ANKS1B: variants seen among roughly 807,000 people sequenced by gnomAD.
ANKS1B encodes the protein ankyrin repeat and sterile alpha motif domain-containing protein 1B.
ANKS1B carries 36 observed loss-of-function variants against 148.3 expected under a neutral mutation model. The ratio of observed to expected loss-of-function variants is 0.24; its 90% confidence interval spans 0.19 to 0.32. The LOEUF is 0.32. Among genes scored for constraint, ANKS1B ranks in the 10% least tolerant of loss-of-function variants. ANKS1B has a pLI of 1.00. For synonymous variants in ANKS1B, 542 were observed against 560.8 expected, an observed-to-expected ratio of 0.97 and a Z score of 0.47; for missense variants, 1,157 against 1,542.6, an observed-to-expected ratio of 0.75 and a Z score of 4.19.
chr12:99,731,363 C>T (rs1012305004), intron 8 of ANKS1B, among the ~76,000 whole-genome samples: 1 of 152,028 alleles, frequency 6.6e-6, no homozygotes, highest in East Asian at 1.9e-4. Flanking sequence ...AAATGATCCA[C>T]TCGCCTCTGC....
At chr12:98,907,487 T>G (rs1437078236) in intron 17 of ANKS1B, among the ~76,000 whole-genome samples, 1 of 152,164 alleles carries the variant, frequency 6.6e-6, no homozygotes, top group Non-Finnish European at 1.5e-5. Context: ...CAACCACTGC[T>G]GCAATCAGGT....
chr12:98,920,966 A>G (rs148517469), intron 17 of ANKS1B, among the ~76,000 whole-genome samples: 34 of 152,370 alleles, frequency 2.2e-4, no homozygotes, highest in African/African-American at 8.2e-4. Context: ...CAATTTTCAA[A>G]CAAGATTCAA....
At chr12:99,324,730 C>A (rs2085977411) in intron 12 of ANKS1B, among the ~76,000 whole-genome samples, 1 of 152,084 alleles carries the variant, frequency 6.6e-6, no homozygotes, top group Non-Finnish European at 1.5e-5. Context: ...AGAGGCTGTA[C>A]AAAGTTACCT....
At chr12:99,310,201 C>G (rs1235969055) in intron 12 of ANKS1B, among the ~76,000 whole-genome samples, 1 of 151,992 alleles carries the variant, frequency 6.6e-6, no homozygotes, top group East Asian at 1.9e-4. Context: ...AACTCATGCT[C>G]AAAAATAGGA....
At chr12:98,834,794 T>C (rs1235203848) in intron 17 of ANKS1B, among the ~76,000 whole-genome samples, 1 of 152,180 alleles carries the variant, frequency 6.6e-6, no homozygotes. Flanking sequence ...TCCATAGAAA[T>C]GCCCTTATAT....
At chr12:99,792,709 T>C (rs541531174) in intron 4 of ANKS1B, among the ~76,000 whole-genome samples, 1 of 151,842 alleles carries the variant, frequency 6.6e-6, no homozygotes, top group Non-Finnish European at 1.5e-5. Flanking sequence ...TGTAATAAAA[T>C]CCATATATGA....
intron 25 of ANKS1B, among the ~76,000 whole-genome samples, chr12:98,758,531 G>A (rs944106501): frequency 5.9e-5 from 9 of 152,166 alleles, no homozygotes; most frequent in East Asian, 1.9e-4. Flanking sequence ...CCTCCAGGCC[G>A]GGGGTGTACT....
intron 17 of ANKS1B, among the ~76,000 whole-genome samples, chr12:98,890,418 A>T (rs370298286): frequency 4.6e-5 from 7 of 152,294 alleles, no homozygotes; most frequent in Admixed American, 2.0e-4. Flanking sequence ...GACAGAAAAA[A>T]ATATATATAT....
chr12:98,945,489 T>C (rs1322654861), intron 17 of ANKS1B, among the ~76,000 whole-genome samples: 1 of 104,906 alleles, frequency 9.5e-6, no homozygotes, highest in African/African-American at 5.0e-5. Flanking sequence ...AGCCAGACCC[T>C]GTCTCAACAA....
intron 10 of ANKS1B, among the ~76,000 whole-genome samples, chr12:99,463,159 G>C (rs1017050717): frequency 6.6e-6 from 1 of 152,194 alleles, no homozygotes; most frequent in African/African-American, 2.4e-5. Context: ...CTTCACAAAA[G>C]AAAAGTACAA....
intron 17 of ANKS1B, among the ~76,000 whole-genome samples, chr12:99,051,930 G>A (rs2099966349): frequency 6.6e-6 from 1 of 151,736 alleles, no homozygotes; most frequent in Non-Finnish European, 1.5e-5. Context: ...GGGACTTTTG[G>A]CGAGAAAGTG....
intron 21 of ANKS1B, 84 bp downstream of exon 21, chr12:98,800,913 A>G (rs2098999850): frequency 6.9e-7 from 1 of 1,452,186 alleles, no homozygotes; most frequent in Non-Finnish European, 9.3e-7. Context: ...ATATTTTGGT[A>G]TATTTTCAAT....
At chr12:99,524,903 T>C (rs986319931) in intron 9 of ANKS1B, among the ~76,000 whole-genome samples, 1 of 152,150 alleles carries the variant, frequency 6.6e-6, no homozygotes, top group African/African-American at 2.4e-5. Flanking sequence ...TTCTGGGAGC[T>C]ACAGTCCAAG....
intron 17 of ANKS1B, among the ~76,000 whole-genome samples, chr12:98,968,036 T>C (rs900691571): frequency 6.6e-6 from 1 of 152,080 alleles, no homozygotes; most frequent in Non-Finnish European, 1.5e-5. Context: ...AGAGAGCTCA[T>C]GGTGGAAGAC....
intron 22 of ANKS1B, among the ~76,000 whole-genome samples, chr12:98,797,271 CAGG>C (rs1438843808): frequency 6.6e-6 from 1 of 152,098 alleles, no homozygotes; most frequent in East Asian, 1.9e-4. Context: ...ATCGGGGAAA[CAGG>C]AGAATGTAGT....
chr12:98,994,721 G>A (rs769536477), intron 17 of ANKS1B, among the ~76,000 whole-genome samples: 22 of 152,304 alleles, frequency 1.4e-4, no homozygotes, highest in Non-Finnish European at 8.8e-5. Context: ...TTTGCAGACG[G>A]CTGCCTTCTC....
At chr12:99,347,477 T>C (rs2090863131) in intron 12 of ANKS1B, among the ~76,000 whole-genome samples, 1 of 151,994 alleles carries the variant, frequency 6.6e-6, no homozygotes, top group Admixed American at 6.6e-5. Context: ...AAGGCAGAGT[T>C]GTAAACTGCT....
chr12:99,296,896 G>C (rs1196915224), intron 12 of ANKS1B, among the ~76,000 whole-genome samples: 1 of 152,104 alleles, frequency 6.6e-6, no homozygotes, highest in Non-Finnish European at 1.5e-5. Context: ...ATAGTTCTCT[G>C]GGAAGACTGT....
At chr12:99,532,366 G>A (rs141289628) in intron 9 of ANKS1B, among the ~76,000 whole-genome samples, 1 of 152,072 alleles carries the variant, frequency 6.6e-6, no homozygotes, top group East Asian at 1.9e-4. Flanking sequence ...TTGTTTGCTT[G>A]TTTGTTTGTT....
Sources: gnomAD v4.1 joint callset for allele counts (sites outside exome capture counted in the v4.1 genomes callset) on GRCh38, gnomAD v4.1.1 for gene constraint, MANE v1.5 for transcripts, NCBI Gene and HGNC (gene_info 2026-07-23, HGNC 2026-07-21) for gene names.